Variants in DACH1 observed in about 807,000 individuals in gnomAD.
DACH1 encodes dachshund family transcription factor 1.
A neutral mutation model predicts 54.2 loss-of-function variants in DACH1; 12 were observed. That is an observed-to-expected ratio of 0.22 (90% CI 0.14 to 0.36). DACH1 has a LOEUF of 0.36. DACH1 is among the 10% of genes least tolerant of loss of function. The pLI is 1.00. For missense variants in DACH1, 805 were observed against 929.8 expected, an observed-to-expected ratio of 0.87 and a Z score of 1.75; for synonymous variants, 386 against 366.2, an observed-to-expected ratio of 1.05 and a Z score of -0.62.
intron 2 of DACH1, among the ~76,000 whole-genome samples, chr13:71,666,655 T>C (rs529636827): frequency 1.1e-4 from 17 of 152,236 alleles, no homozygotes; most frequent in Non-Finnish European, 2.4e-4. Context: ...TGCATGCTAG[T>C]TGATATGACA....
At chr13:71,617,038 C>T (rs1228909990) in intron 3 of DACH1, among the ~76,000 whole-genome samples, 1 of 152,088 alleles carries the variant, frequency 6.6e-6, no homozygotes, top group East Asian at 1.9e-4. Context: ...CCCACCATCA[C>T]GCCCGGCTTT....
intron 1 of DACH1, chr13:71,846,008 AT>A (rs76850370): frequency 0.059 from 9,966 of 167,778 alleles, 1,197 homozygotes; most frequent in East Asian, 0.57. Flanking sequence ...GTCGAAGGCC[AT>A]TTTTTTTTGC....
intron 3 of DACH1, among the ~76,000 whole-genome samples, chr13:71,624,963 A>C (rs1490943423): frequency 2.6e-5 from 4 of 151,832 alleles, no homozygotes; most frequent in Admixed American, 1.3e-4. Flanking sequence ...TAAGCATAGG[A>C]CACCCCCTCC....
intron 4 of DACH1, among the ~76,000 whole-genome samples, chr13:71,560,475 GA>G (rs1190097256): frequency 6.6e-6 from 1 of 152,088 alleles, no homozygotes; most frequent in African/African-American, 2.4e-5. Context: ...AGGCATCATG[GA>G]AATGGATTAT....
intron 6 of DACH1, among the ~76,000 whole-genome samples, chr13:71,495,441 CAA>C (rs1406966056): frequency 1.3e-5 from 2 of 151,834 alleles, no homozygotes; most frequent in Admixed American, 1.3e-4. Flanking sequence ...AGTGTTTTGG[CAA>C]ACTTACTAGA....
At chr13:71,532,834 C>T (rs1882503531) in intron 6 of DACH1, among the ~76,000 whole-genome samples, 1 of 151,848 alleles carries the variant, frequency 6.6e-6, no homozygotes, top group Non-Finnish European at 1.5e-5. Context: ...ATATATTTCA[C>T]TGTTAGTTTT....
intron 2 of DACH1, among the ~76,000 whole-genome samples, chr13:71,662,916 A>G (rs1448935554): frequency 1.3e-5 from 2 of 152,026 alleles, no homozygotes; most frequent in Admixed American, 6.6e-5. Context: ...TGTACCTTCA[A>G]TTATAGATTA....
At position 71,453,075 on chromosome 13, in the gene DACH1, A is replaced by C. The variant is rs9572752; in HGVS notation, c.2084-12383T>G. ...TAAATATTCATTAGTAAGAAGCAAG[A>C]AGTCATCAGAGTGGTTAATGTACCA... On this transcript the variant is annotated intron_variant, in intron 10 of 10. Transcript: ENST00000613252. Among the ~76,000 whole-genome samples, 97 of 152,298 alleles carry C rather than the reference A, an allele frequency of 6.4e-4. 1 individual carries two copies. The East Asian group carries it at 0.016, about 26-fold the overall frequency.
chr13:71,781,092 G>A (rs377389777), intron 1 of DACH1, among the ~76,000 whole-genome samples: 2 of 152,104 alleles, frequency 1.3e-5, no homozygotes, highest in Admixed American at 6.6e-5. Context: ...CTATGATAGT[G>A]ACACTGCACT....
At chr13:71,716,462 A>G (rs1486364353) in intron 1 of DACH1, among the ~76,000 whole-genome samples, 3 of 152,078 alleles carry the variant, frequency 2.0e-5, no homozygotes, top group Non-Finnish European at 2.9e-5. Context: ...TTGGAACCTA[A>G]TTACTTTCAC....
At chr13:71,818,563 C>T (rs148352252) in intron 1 of DACH1, among the ~76,000 whole-genome samples, 2 of 152,288 alleles carry the variant, frequency 1.3e-5, no homozygotes, top group Non-Finnish European at 2.9e-5. Context: ...TGACCCTTGT[C>T]CAAATCACCA....
chr13:71,626,918 G>A (rs966208003), intron 3 of DACH1, among the ~76,000 whole-genome samples: 1 of 152,088 alleles, frequency 6.6e-6, no homozygotes, highest in Admixed American at 6.6e-5. Context: ...TTATCACCAT[G>A]CAGACTAGCA....
At chr13:71,862,704 C>G (rs774722355) in intron 1 of DACH1, among the ~76,000 whole-genome samples, 2 of 152,106 alleles carry the variant, frequency 1.3e-5, no homozygotes, top group East Asian at 1.9e-4. Context: ...CAAATTAAAA[C>G]CACTCGAAGG....
intron 1 of DACH1, among the ~76,000 whole-genome samples, chr13:71,841,551 T>C (rs1872846055): frequency 6.6e-6 from 1 of 152,146 alleles, no homozygotes. Flanking sequence ...TCACCATAAA[T>C]AAACTGTGAA....
At chr13:71,680,048 T>G (rs1205328618) in intron 2 of DACH1, among the ~76,000 whole-genome samples, 1 of 152,172 alleles carries the variant, frequency 6.6e-6, no homozygotes, top group Non-Finnish European at 1.5e-5. Context: ...ACAGAAATCT[T>G]TATCATTCAG....
At chr13:71,798,319 CATACATAT>C (rs1168392290) in intron 1 of DACH1, among the ~76,000 whole-genome samples, 102 of 85,466 alleles carry the variant, frequency 1.2e-3, no homozygotes, top group African/African-American at 4.8e-3. Context: ...GAACTTGTTA[CATACATAT>C]ATATATATAT....
chr13:71,442,718 A>G (rs745888347), intron 10 of DACH1, among the ~76,000 whole-genome samples: 1 of 152,110 alleles, frequency 6.6e-6, no homozygotes, highest in Non-Finnish European at 1.5e-5. Context: ...CATACCTATG[A>G]TAAAGCTTAA....
At chr13:71,505,240 GC>G (rs2138242285) in intron 6 of DACH1, among the ~76,000 whole-genome samples, 2 of 152,054 alleles carry the variant, frequency 1.3e-5, no homozygotes, top group South Asian at 4.2e-4. Context: ...GTGCCACCAC[GC>G]CCGGCTACTT....
At chr13:71,756,019 C>T (rs1179444348) in intron 1 of DACH1, among the ~76,000 whole-genome samples, 1 of 151,660 alleles carries the variant, frequency 6.6e-6, no homozygotes, top group African/African-American at 2.4e-5. Flanking sequence ...AATGCGTAAA[C>T]TAAAGACTTT....
Sources: gnomAD v4.1 joint callset for allele counts (sites outside exome capture counted in the v4.1 genomes callset) on GRCh38, gnomAD v4.1.1 for gene constraint, MANE v1.5 for transcripts, NCBI Gene and HGNC (gene_info 2026-07-23, HGNC 2026-07-21) for gene names.